The following CACNA1E variants were observed in gnomAD, a reference collection of about 807,000 sequenced individuals.
The protein encoded by CACNA1E is voltage-dependent R-type calcium channel subunit alpha-1E.
A neutral mutation model predicts 259.2 loss-of-function variants in CACNA1E; 40 were observed. The ratio of observed to expected loss-of-function variants is 0.15; its 90% CI spans 0.12 to 0.20. The LOEUF is 0.20. Among genes scored for constraint, CACNA1E ranks in the 10% least tolerant of loss-of-function variants. CACNA1E has a pLI of 1.00. For synonymous variants in CACNA1E, 1,104 were observed against 1,138.5 expected, an observed-to-expected ratio of 0.97 and a Z score of 0.61; for missense variants, 1,874 against 3,040.1, an observed-to-expected ratio of 0.62 and a Z score of 9.02.
intron 1 of CACNA1E, among the ~76,000 whole-genome samples, chr1:181,366,717 A>G (rs959280024): frequency 1.3e-5 from 2 of 152,150 alleles, no homozygotes; most frequent in African/African-American, 4.8e-5. Flanking sequence ...AACTTGCTTC[A>G]CTTCTCTGAA....
At chr1:181,651,938 G>A (rs1422634266) in intron 7 of CACNA1E, 3 of 153,186 alleles carry the variant, frequency 2.0e-5, no homozygotes, top group Non-Finnish European at 4.4e-5. Context: ...AGTATAAGGT[G>A]TGGTTCCTCT....
At chr1:181,495,848 C>A (rs1664698472) in intron 1 of CACNA1E, among the ~76,000 whole-genome samples, 1 of 152,220 alleles carries the variant, frequency 6.6e-6, no homozygotes, top group South Asian at 2.1e-4. Flanking sequence ...AAATATATAA[C>A]ACTTATTGAA....
intron 3 of CACNA1E, among the ~76,000 whole-genome samples, chr1:181,512,781 ATC>A (rs755027947): frequency 2.8e-4 from 43 of 152,266 alleles, no homozygotes; most frequent in Non-Finnish European, 5.7e-4. Context: ...GTTTAAAAAT[ATC>A]TGTTGCCTTA....
intron 1 of CACNA1E, among the ~76,000 whole-genome samples, chr1:181,354,720 C>G (rs945915186): frequency 6.6e-6 from 1 of 152,032 alleles, no homozygotes; most frequent in African/African-American, 2.4e-5. Context: ...GGCAGTAGAG[C>G]CTTGGTTCCG....
At chr1:181,778,406 T>C (rs1465924258) in intron 38 of CACNA1E, among the ~76,000 whole-genome samples, 4 of 152,136 alleles carry the variant, frequency 2.6e-5, no homozygotes, top group Non-Finnish European at 2.9e-5. Context: ...AACCCTCAAA[T>C]TTCAAAAAGC....
At chr1:181,770,447 A>G (rs1659406603) in intron 35 of CACNA1E, among the ~76,000 whole-genome samples, 1 of 152,088 alleles carries the variant, frequency 6.6e-6, no homozygotes, top group Non-Finnish European at 1.5e-5. Context: ...CCTCTTTTGA[A>G]TGTTCACAGT....
At chr1:181,424,554 C>G (rs557170021) in intron 2 of CACNA1E, among the ~76,000 whole-genome samples, 2 of 152,368 alleles carry the variant, frequency 1.3e-5, no homozygotes, top group South Asian at 4.1e-4. Flanking sequence ...GGGTCCTGTA[C>G]TGGGAAGGAG....
At chr1:181,321,441 T>C (rs1183269476) in intron 1 of CACNA1E, among the ~76,000 whole-genome samples, 1 of 152,238 alleles carries the variant, frequency 6.6e-6, no homozygotes, top group African/African-American at 2.4e-5. Context: ...TGCACCTTAG[T>C]TATTGATGCC....
chr1:181,752,338 T>G, intron 27 of CACNA1E, 99 bp downstream of exon 27: 1 of 859,698 alleles, frequency 1.2e-6, no homozygotes, highest in Non-Finnish European at 2.0e-6. Context: ...CTGGGAATAT[T>G]CCTTTTTCTC....
chr1:181,715,235 C>G, intron 8 of CACNA1E, 103 bp from the exon 9 acceptor site: 1 of 711,816 alleles, frequency 1.4e-6, no homozygotes, highest in Non-Finnish European at 2.5e-6. Flanking sequence ...GAACTCTGCT[C>G]TCTCTCTGTT....
chr1:181,601,406 G>A (rs145974635), intron 6 of CACNA1E, among the ~76,000 whole-genome samples: 306 of 152,172 alleles, frequency 2.0e-3, no homozygotes, highest in African/African-American at 6.7e-3. Context: ...GCTCCTCCCC[G>A]TGATTCTTTT....
intron 1 of CACNA1E, among the ~76,000 whole-genome samples, chr1:181,508,565 T>C (rs1183969318): frequency 6.6e-6 from 1 of 152,166 alleles, no homozygotes; most frequent in Non-Finnish European, 1.5e-5. Context: ...GGACACTGGG[T>C]CCTTGTGTGG....
At chr1:181,491,979 T>A (rs2102513354) in intron 1 of CACNA1E, among the ~76,000 whole-genome samples, 1 of 152,140 alleles carries the variant, frequency 6.6e-6, no homozygotes, top group South Asian at 2.1e-4. Flanking sequence ...CAGGAGGTGG[T>A]GTGAGGGCAG....
chr1:181,490,676 A>G (rs1476024890), intron 1 of CACNA1E, among the ~76,000 whole-genome samples: 1 of 151,716 alleles, frequency 6.6e-6, no homozygotes, highest in African/African-American at 2.4e-5. Context: ...TTTGGGCTGC[A>G]TCGGTTCTCT....
intron 18 of CACNA1E, among the ~76,000 whole-genome samples, chr1:181,729,280 A>AAGGTGTGTGTGCTCTGCAC (rs1342837624): frequency 1.5e-5 from 2 of 129,962 alleles, no homozygotes; most frequent in African/African-American, 2.9e-5. Context: ...GTGCCCTGCT[A>AAGGTGTGTGTGCTCTGCAC]AGGTGTGTGT....
intron 7 of CACNA1E, among the ~76,000 whole-genome samples, chr1:181,667,905 A>G (rs1233410162): frequency 6.6e-6 from 1 of 152,026 alleles, no homozygotes; most frequent in East Asian, 1.9e-4. Context: ...GTAAAAAATT[A>G]CAGGGAGGTC....
At chr1:181,617,427 G>C (rs1430542510) in intron 6 of CACNA1E, among the ~76,000 whole-genome samples, 1 of 152,180 alleles carries the variant, frequency 6.6e-6, no homozygotes, top group Non-Finnish European at 1.5e-5. Flanking sequence ...TCTTTGTCAA[G>C]GGTGGAAGGT....
intron 1 of CACNA1E, among the ~76,000 whole-genome samples, chr1:181,369,993 C>T (rs1654561103): frequency 1.3e-5 from 2 of 152,048 alleles, no homozygotes; most frequent in African/African-American, 4.8e-5. Context: ...TCTGCTCTTC[C>T]CTTCTTTGTG....
Position 181,512,416 on chromosome 1 carries a change from A to C in CACNA1E, c.512+906A>C, listed in dbSNP as rs532800125. Among the ~76,000 whole-genome samples, 3 of 152,334 alleles carry C rather than the reference A, an allele frequency of 2.0e-5. No homozygotes were observed. In the East Asian group the frequency reaches 5.8e-4, roughly 29 times the overall value. ...TGCTTGGCAGACAGGGTTCAAACCCATGAAGAAAAGAAGAGAGTGACTTAG... is the reference window on the plus strand; with the variant it reads ...TGCTTGGCAGACAGGGTTCAAACCCCTGAAGAAAAGAAGAGAGTGACTTAG... On this transcript the variant is annotated intron_variant, in intron 3 of 47. Transcript: ENST00000367573.
Sources: allele counts gnomAD v4.1 joint callset (sites outside exome capture counted in the v4.1 genomes callset), GRCh38; gene constraint gnomAD v4.1.1; transcripts MANE v1.5; gene names NCBI Gene and HGNC (gene_info 2026-07-23, HGNC 2026-07-21).